Variants in SLCO1A2 observed in about 807,000 individuals in gnomAD.
The protein encoded by SLCO1A2 is OATP-1.
SLCO1A2 carries 67 observed loss-of-function variants against 69.0 expected under a neutral mutation model. The observed-to-expected ratio is 0.97, with a 90% confidence interval of 0.80 to 1.19. The LOEUF is 1.19. SLCO1A2 is among the 50% of genes most tolerant of loss of function. The pLI, the probability that SLCO1A2 is intolerant of heterozygous loss-of-function variation, is 0.00. For synonymous variants in SLCO1A2, 260 were observed against 265.9 expected (o/e 0.98, Z 0.22); for missense variants, 787 against 793.7 (o/e 0.99, Z 0.10).
At chr12:21,316,552 C>CTT (rs10679944) in intron 3 of SLCO1A2, among the ~76,000 whole-genome samples, 14,554 of 144,932 alleles carry the variant, frequency 0.1, 1,790 homozygotes, top group East Asian at 0.33. Flanking sequence ...ACTGCTGATA[C>CTT]TTTTTTTTTT....
intron 2 of SLCO1A2, among the ~76,000 whole-genome samples, chr12:21,366,367 G>C (rs188298013): frequency 5.6e-4 from 85 of 150,468 alleles, no homozygotes; most frequent in Non-Finnish European, 1.1e-3. Flanking sequence ...CAGGGACACA[G>C]GGTGGGGAAC....
At chr12:21,371,450 G>T (rs1273587238) in intron 2 of SLCO1A2, among the ~76,000 whole-genome samples, 3 of 151,860 alleles carry the variant, frequency 2.0e-5, no homozygotes, top group Non-Finnish European at 2.9e-5. Context: ...TATTAAAATT[G>T]TAGAATCATT....
chr12:21,292,691 G>A (rs1947070165), intron 11 of SLCO1A2, among the ~76,000 whole-genome samples: 1 of 151,986 alleles, frequency 6.6e-6, no homozygotes, highest in African/African-American at 2.4e-5. Flanking sequence ...TGCCTCCCAG[G>A]TTCAAGTGAT....
intron 2 of SLCO1A2, among the ~76,000 whole-genome samples, chr12:21,356,249 T>G (rs1311191655): frequency 6.6e-6 from 1 of 151,948 alleles, no homozygotes; most frequent in African/African-American, 2.4e-5. Flanking sequence ...TTGAATAAAG[T>G]CTGGTAATAT....
upstream of SLCO1A2, among the ~76,000 whole-genome samples, chr12:21,397,653 C>A (rs1395791891): frequency 6.6e-6 from 1 of 151,410 alleles, no homozygotes; most frequent in Admixed American, 6.6e-5. Flanking sequence ...TGGAAAAGAA[C>A]AGAAATTATA....
chr12:21,396,005 G>A (rs1219649486), upstream of SLCO1A2, among the ~76,000 whole-genome samples: 1 of 151,104 alleles, frequency 6.6e-6, no homozygotes, highest in Non-Finnish European at 1.5e-5. Flanking sequence ...CACCAGCAAC[G>A]GAACAAAGCT....
chr12:21,341,260 G>A (rs1036257815), intron 2 of SLCO1A2, among the ~76,000 whole-genome samples: 1 of 151,890 alleles, frequency 6.6e-6, no homozygotes, highest in Non-Finnish European at 1.5e-5. Context: ...TAAAACACTG[G>A]AGGACCTAAA....
chr12:21,269,737 T>C lies in SLCO1A2; in HGVS notation c.1824A>G (p.Leu608=). The part of the protein sequence containing the change: ...RYIYLGLPAA[L]RGSSFVPALI... ...AGGCTGGAACAAAGCTTGATCCTCT[T>C]AGTGCTGCCGGCAATCCGAGGTAGA... The change falls in exon 15 of 15, where the codon CTA becomes CTG. Residue 608 remains leucine (L), a synonymous_variant. Transcript: ENST00000683939. The C allele has an allele frequency of 6.2e-7, 1 of 1,611,750 alleles. No individual in the cohort carries two copies. The highest frequency in any genetic ancestry group is 1.1e-5 in the South Asian group (1 of 90,826).
At chr12:21,336,865 A>G (rs114944304), upstream of SLCO1A2, among the ~76,000 whole-genome samples, 658 of 152,130 alleles carry the variant, frequency 4.3e-3, 10 homozygotes, top group African/African-American at 0.015. Context: ...AGTGTCACCA[A>G]CAAATCCCTG....
chr12:21,338,825 CA>C (rs34233148), upstream of SLCO1A2, among the ~76,000 whole-genome samples: 333 of 150,196 alleles, frequency 2.2e-3, 1 homozygote, highest in African/African-American at 7.3e-3. Flanking sequence ...TTATAAGGCT[CA>C]AAAAAAAACC....
rs1951218654 is a variant in SLCO1A2 at position 21,318,888 on chromosome 12, G to A, written c.96C>T (p.Ser32=). 8.7e-6 allele frequency: 14 copies of A among 1,603,780 alleles called. No individual in the cohort carries two copies. Among genetic ancestry groups the A allele is most frequent in the Non-Finnish European group, 1.2e-5 (14 of 1,176,384 alleles). ...FLLAITCAFV[S]KTLSGSYMNS... Reference sequence around the variant, plus strand: ...TCATATAAGATCCAGACAGTGTTTTGGATACAAATGCACATGTTATTGCCA... The same window carrying A: ...TCATATAAGATCCAGACAGTGTTTTAGATACAAATGCACATGTTATTGCCA... Residue 32 remains serine, a synonymous_variant, in exon 3 of 15, where the codon TCC becomes TCT. Coordinates refer to ENST00000683939, the MANE Select transcript of SLCO1A2 (RefSeq NM_001386879.1).
At chr12:21,382,429 A>G (rs558469668) in intron 1 of SLCO1A2, among the ~76,000 whole-genome samples, 33 of 152,326 alleles carry the variant, frequency 2.2e-4, no homozygotes, top group Non-Finnish European at 3.7e-4. Flanking sequence ...ATTCACCACT[A>G]TATAATTCAT....
At chr12:21,390,339 A>G (rs1941090746) in intron 1 of SLCO1A2, among the ~76,000 whole-genome samples, 1 of 152,110 alleles carries the variant, frequency 6.6e-6, no homozygotes, top group South Asian at 2.1e-4. Context: ...TGTCATATGG[A>G]CCTTAAACAG....
rs1181769539 is a variant in SLCO1A2 at position 21,274,571 on chromosome 12, G to C, written c.1691C>G (p.Pro564Arg). The C allele has an allele frequency of 6.2e-7, 1 of 1,609,216 alleles. No individual in the cohort carries two copies. The highest frequency in any genetic ancestry group is 8.5e-7 in the Non-Finnish European group (1 of 1,176,278). Residue 564 changes from proline to arginine, a missense_variant, in exon 14 of 15, where the codon CCT becomes CGT. Physicochemically the swap from Pro to Arg is moderately radical, Grantham distance 103. Transcript: ENST00000683939. ...CTRVFAGIPA[P>R]IYFGALMDST... ...ATCCATTAAAGCGCCAAAATATATA[G>C]GTGCAGGAATGCCAGCTACAATTGA...
chr12:21,289,594 A>G (rs1471686228), intron 12 of SLCO1A2, among the ~76,000 whole-genome samples: 1 of 152,192 alleles, frequency 6.6e-6, no homozygotes, highest in African/African-American at 2.4e-5. Flanking sequence ...AGAGTGGCAC[A>G]CCCCAACTCC....
chr12:21,293,064 G>T (rs1328838741), intron 11 of SLCO1A2, among the ~76,000 whole-genome samples: 1 of 152,144 alleles, frequency 6.6e-6, no homozygotes, highest in Non-Finnish European at 1.5e-5. Context: ...CAGCACTTTG[G>T]GGGGCCAAGG....
intron 2 of SLCO1A2, among the ~76,000 whole-genome samples, chr12:21,322,932 T>C (rs1162980885): frequency 2.0e-5 from 3 of 152,200 alleles, no homozygotes; most frequent in Admixed American, 6.5e-5. Flanking sequence ...CAAATTTTTA[T>C]TTTGTCTCAT....
intron 3 of SLCO1A2, among the ~76,000 whole-genome samples, chr12:21,315,559 T>C (rs1416310578): frequency 1.3e-5 from 2 of 152,252 alleles, no homozygotes; most frequent in Non-Finnish European, 2.9e-5. Context: ...CAAAATTTTT[T>C]TTCCTCAAGG....
chr12:21,304,559 C>A lies in SLCO1A2; in HGVS notation c.457G>T (p.Val153Phe). The A allele has an allele frequency of 6.2e-7, 1 of 1,608,376 alleles. No homozygotes were observed. Among genetic ancestry groups the A allele is most frequent in the East Asian group, 2.2e-5 (1 of 44,726 alleles). The change falls in exon 6 of 15, where the codon GTT becomes TTT. Residue 153 changes from valine to phenylalanine, a missense_variant. By Grantham distance (50) the Val-to-Phe change is conservative. Transcript: ENST00000683939. ...TQDPSECTKEVKSLMWVYVLV... is the reference protein window; with the variant it reads ...TQDPSECTKEFKSLMWVYVLV... ...ACGTACACCCACATTAATGATTTAA[C>A]TTCCTTTGTACACTCTGCATTAAAA... is the stretch of plus-strand genomic sequence containing the variant.
Sources: gnomAD v4.1 joint callset for allele counts (sites outside exome capture counted in the v4.1 genomes callset) on GRCh38, gnomAD v4.1.1 for gene constraint, MANE v1.5 for transcripts, NCBI Gene and HGNC (gene_info 2026-07-23, HGNC 2026-07-21) for gene names.